Variants in TEC observed in about 807,000 individuals in gnomAD.
TEC encodes the protein tec protein tyrosine kinase.
A neutral mutation model predicts 93.0 loss-of-function variants in TEC; 72 were observed. The ratio of observed to expected loss-of-function variants is 0.77; its 90% CI spans 0.64 to 0.94. The LOEUF is 0.94. Ranked by LOEUF, TEC falls within the 40% of genes least tolerant of loss-of-function variation. TEC has a pLI of 0.00. For synonymous variants in TEC, 249 were observed against 247.7 expected, an observed-to-expected ratio of 1.01 and a Z score of -0.05; for missense variants, 630 against 757.9, an observed-to-expected ratio of 0.83 and a Z score of 1.98.
At chr4:48,164,422 G>C (rs898248753) in intron 7 of TEC, among the ~76,000 whole-genome samples, 1 of 152,128 alleles carries the variant, frequency 6.6e-6, no homozygotes, top group Non-Finnish European at 1.5e-5. Context: ...CACAATTTAA[G>C]ATGCACTCTT....
chr4:48,225,609 A>G (rs750937802), intron 2 of TEC, among the ~76,000 whole-genome samples: 21 of 152,214 alleles, frequency 1.4e-4, no homozygotes, highest in Non-Finnish European at 1.8e-4. Flanking sequence ...GTTGCTGGCC[A>G]TGCCTAGAAG....
At chr4:48,171,478 G>A (rs781380966) in intron 3 of TEC, 29 bp from the exon 4 acceptor site, 243 of 1,593,596 alleles carry the variant, frequency 1.5e-4, no homozygotes, top group Non-Finnish European at 2.0e-4. Flanking sequence ...TGGAATTGGT[G>A]AAGAGGACTT....
intron 2 of TEC, among the ~76,000 whole-genome samples, chr4:48,190,517 A>C (rs1722055990): frequency 6.6e-6 from 1 of 152,214 alleles, no homozygotes; most frequent in Non-Finnish European, 1.5e-5. Flanking sequence ...TCCTACCTAC[A>C]AAGCATTTAT....
intron 9 of TEC, 34 bp downstream of exon 9, chr4:48,156,646 C>A (rs1720414845): frequency 6.3e-7 from 1 of 1,588,454 alleles, no homozygotes; most frequent in African/African-American, 1.4e-5. Flanking sequence ...AATTAATTTG[C>A]CCTTAAGCCA....
Position 48,223,933 on chromosome 4 carries a change from T to C in TEC, c.138+4544A>G, listed in dbSNP as rs142095814. 2.9e-3 allele frequency among the ~76,000 whole-genome samples: 441 copies of C among 152,352 alleles called. 4 individuals carry two copies. The highest frequency in any genetic ancestry group is 0.01 in the African/African-American group (425 of 41,576). On this transcript the variant is annotated intron_variant, in intron 2 of 17. Transcript: ENST00000381501. ...AAGTCTCTAATAGCACATTTCACAATTGTCACAATTGGATGCTGGAGGAAT... is the reference window on the plus strand; with the variant it reads ...AAGTCTCTAATAGCACATTTCACAACTGTCACAATTGGATGCTGGAGGAAT...
intron 14 of TEC, among the ~76,000 whole-genome samples, chr4:48,143,737 T>C (rs1042394856): frequency 2.0e-5 from 3 of 152,224 alleles, no homozygotes; most frequent in East Asian, 1.9e-4. Flanking sequence ...AGAGCCAAAC[T>C]TCCTGGGTTC....
chr4:48,219,193 A>G (rs1253748407), intron 2 of TEC, among the ~76,000 whole-genome samples: 1 of 152,248 alleles, frequency 6.6e-6, no homozygotes, highest in Non-Finnish European at 1.5e-5. Context: ...CTGAAGGGAC[A>G]TTGTGAGAAG....
intron 2 of TEC, among the ~76,000 whole-genome samples, chr4:48,197,843 G>C (rs936482431): frequency 6.6e-6 from 1 of 152,182 alleles, no homozygotes; most frequent in African/African-American, 2.4e-5. Flanking sequence ...CCAGCAGCCA[G>C]AGATAAGAAT....
At chr4:48,222,496 T>C (rs1234498521) in intron 2 of TEC, among the ~76,000 whole-genome samples, 1 of 151,942 alleles carries the variant, frequency 6.6e-6, no homozygotes, top group African/African-American at 2.4e-5. Context: ...TCAACTTGAA[T>C]GGGCCATGGG....
chr4:48,145,342 C>G, intron 13 of TEC, 47 bp from the exon 14 acceptor site: 1 of 1,611,016 alleles, frequency 6.2e-7, no homozygotes, highest in Non-Finnish European at 8.5e-7. Flanking sequence ...AAGAAACTAC[C>G]AAGTTTTTGG....
intron 1 of TEC, among the ~76,000 whole-genome samples, chr4:48,246,963 C>T (rs1724071960): frequency 1.3e-5 from 2 of 152,004 alleles, no homozygotes; most frequent in South Asian, 4.1e-4. Flanking sequence ...AAGAAGTTCC[C>T]ACAGAATGAA....
At chr4:48,201,917 G>T (rs1254069999) in intron 2 of TEC, among the ~76,000 whole-genome samples, 3 of 151,498 alleles carry the variant, frequency 2.0e-5, no homozygotes, top group Admixed American at 6.6e-5. Context: ...CACAGGGGAA[G>T]CCCCAGGCTG....
At chr4:48,260,792 C>T (rs1724480704) in intron 1 of TEC, among the ~76,000 whole-genome samples, 1 of 152,068 alleles carries the variant, frequency 6.6e-6, no homozygotes, top group African/African-American at 2.4e-5. Context: ...ACAGTTGTAA[C>T]ATAATGCTCC....
chr4:48,143,946 C>T (rs1719790528), intron 14 of TEC, among the ~76,000 whole-genome samples: 1 of 152,172 alleles, frequency 6.6e-6, no homozygotes, highest in Non-Finnish European at 1.5e-5. Flanking sequence ...TTTGCTAAGG[C>T]CAGGTGCAGT....
chr4:48,140,665 A>AT (rs1173011452), intron 15 of TEC, among the ~76,000 whole-genome samples: 3 of 152,190 alleles, frequency 2.0e-5, no homozygotes, highest in Admixed American at 2.0e-4. Context: ...CAATCACGCT[A>AT]TTTTTATGGA....
chr4:48,247,304 T>A (rs746535265), intron 1 of TEC, among the ~76,000 whole-genome samples: 1 of 152,210 alleles, frequency 6.6e-6, no homozygotes, highest in Non-Finnish European at 1.5e-5. Context: ...TGTAAAATGG[T>A]ACAGGCACTG....
chr4:48,139,069 T>C lies in TEC; in HGVS notation c.1536-47A>G, dbSNP rs1287218708. The C allele has an allele frequency of 3.4e-6, 5 of 1,469,468 alleles. No homozygotes were observed. The South Asian group carries it at 4.6e-5, about 14-fold the overall frequency. The allele number at this position is 1,469,468 out of a possible 1,614,324, so 91.0% of individuals were successfully genotyped here. A position where few individuals can be genotyped will look rare whatever the true frequency, so the allele number is the denominator to read the frequency against. On this transcript the variant is annotated intron_variant, in intron 15 of 17. Coordinates refer to ENST00000381501, the MANE Select transcript of TEC (RefSeq NM_003215.3). Reference sequence around the variant, plus strand: ...GTTTACACCTCTGAAGAACAATCTGTTTTTTCTACTTGCTCTTTCATTTTT... The same window carrying C: ...GTTTACACCTCTGAAGAACAATCTGCTTTTTCTACTTGCTCTTTCATTTTT...
chr4:48,141,446 T>G, intron 14 of TEC, 27 bp from the exon 15 acceptor site: 2 of 1,605,392 alleles, frequency 1.2e-6, no homozygotes, highest in Non-Finnish European at 1.7e-6. Context: ...TGATGGTATA[T>G]TAGTTTAAAA....
chr4:48,158,858 T>C (rs1720507502), intron 8 of TEC, among the ~76,000 whole-genome samples: 1 of 152,186 alleles, frequency 6.6e-6, no homozygotes, highest in South Asian at 2.1e-4. Flanking sequence ...TTCTGAGGGA[T>C]CATTTTTATG....
Sources: gnomAD v4.1 joint callset for allele counts (sites outside exome capture counted in the v4.1 genomes callset) on GRCh38, gnomAD v4.1.1 for gene constraint, MANE v1.5 for transcripts, NCBI Gene and HGNC (gene_info 2026-07-23, HGNC 2026-07-21) for gene names.